CTXND1: variants seen among roughly 807,000 people sequenced by gnomAD.
CTXND1 encodes cortexin domain-containing 1 protein.
intron 1 of CTXND1, among the ~76,000 whole-genome samples, chr15:80,248,680 C>T (rs887822742): frequency 2.0e-5 from 3 of 152,144 alleles, no homozygotes; most frequent in Non-Finnish European, 4.4e-5. Context: ...CAGGGAGCTC[C>T]GTCTGAGTCA....
chr15:80,204,199 T>TATATACAC (rs1267164168), intron 1 of CTXND1, among the ~76,000 whole-genome samples: 1 of 26,802 alleles, frequency 3.7e-5, no homozygotes, highest in African/African-American at 1.4e-4. Context: ...TATATATATA[T>TATATACAC]ACACAAACAC....
At chr15:80,223,916 C>T (rs756030409) in intron 1 of CTXND1, among the ~76,000 whole-genome samples, 4 of 152,018 alleles carry the variant, frequency 2.6e-5, no homozygotes, top group Non-Finnish European at 4.4e-5. Flanking sequence ...TGAGTCCATG[C>T]GTCCCCCCAT....
At chr15:80,212,818 A>C (rs1227667333) in intron 1 of CTXND1, among the ~76,000 whole-genome samples, 1 of 152,202 alleles carries the variant, frequency 6.6e-6, no homozygotes, top group Non-Finnish European at 1.5e-5. Context: ...CCAAAATTCT[A>C]CAGGCAGAAA....
intron 1 of CTXND1, among the ~76,000 whole-genome samples, chr15:80,230,401 C>T (rs145691775): frequency 3.3e-5 from 5 of 152,282 alleles, no homozygotes; most frequent in Non-Finnish European, 5.9e-5. Flanking sequence ...TGAGCCACAA[C>T]GCCTGGCCAG....
chr15:80,204,647 G>GTATATATATATATATATA lies in CTXND1; in HGVS notation c.-217-925_-217-908dup, dbSNP rs35359063. On this transcript the variant is annotated intron_variant, in intron 1 of 2. Transcript: ENST00000560778. Reference sequence around the variant, plus strand: ...TTTAAGGTCCGAATAATATTCCATTGTATATATATATATATATATATATAT... The same window carrying GTATATATATATATATATA: ...TTTAAGGTCCGAATAATATTCCATTGTATATATATATATATATATATATATATATATATATATATATAT... Among the ~76,000 whole-genome samples the GTATATATATATATATATA allele has an allele frequency of 4.1e-3, 536 of 131,208 alleles. 7 individuals carry two copies. The highest frequency in any genetic ancestry group is 8.7e-3 in the African/African-American group (297 of 34,266). The allele number at this position is 131,208 out of a possible 152,430, so 86.1% of individuals were successfully genotyped here.
chr15:80,247,536 C>T (rs989471100), intron 1 of CTXND1, among the ~76,000 whole-genome samples: 1 of 151,978 alleles, frequency 6.6e-6, no homozygotes, highest in African/African-American at 2.4e-5. Flanking sequence ...GGAATTTAGT[C>T]ATAGGTCGAG....
chr15:80,241,912 T>C (rs930734295), intron 1 of CTXND1, among the ~76,000 whole-genome samples: 5 of 152,172 alleles, frequency 3.3e-5, no homozygotes, highest in Admixed American at 6.5e-5. Context: ...ATAAGCCCTT[T>C]CCCCTGCCTG....
chr15:80,221,359 T>C (rs1893316617), intron 1 of CTXND1, among the ~76,000 whole-genome samples: 1 of 152,230 alleles, frequency 6.6e-6, no homozygotes. Context: ...ATAGTAGGGA[T>C]GATAAAGGGC....
intron 1 of CTXND1, among the ~76,000 whole-genome samples, chr15:80,221,949 T>C (rs1341873643): frequency 3.3e-5 from 5 of 152,206 alleles, no homozygotes. Flanking sequence ...CTAGTTTCAT[T>C]GCACCGTGGT....
chr15:80,236,921 A>C (rs981168892), intron 1 of CTXND1, among the ~76,000 whole-genome samples: 15 of 152,232 alleles, frequency 9.9e-5, no homozygotes, highest in African/African-American at 3.6e-4. Flanking sequence ...CCCACAGCAC[A>C]GTCAGTTATA....
intron 2 of CTXND1, among the ~76,000 whole-genome samples, chr15:80,202,485 C>A (rs1484829574): frequency 6.6e-6 from 1 of 152,232 alleles, no homozygotes; most frequent in African/African-American, 2.4e-5. Flanking sequence ...GGGTCTCACT[C>A]TGTTGCTCAG....
At chr15:80,218,393 C>G (rs1358716095) in intron 1 of CTXND1, among the ~76,000 whole-genome samples, 3 of 152,170 alleles carry the variant, frequency 2.0e-5, no homozygotes, top group African/African-American at 4.8e-5. Flanking sequence ...TCCCACCTGG[C>G]CTCCTAAAGT....
intron 1 of CTXND1, among the ~76,000 whole-genome samples, chr15:80,205,074 T>G (rs1893134385): frequency 6.6e-6 from 1 of 152,244 alleles, no homozygotes; most frequent in African/African-American, 2.4e-5. Context: ...TGTATGTTTA[T>G]GTATTTGTTT....
intron 1 of CTXND1, among the ~76,000 whole-genome samples, chr15:80,207,684 G>A (rs1459630797): frequency 2.0e-5 from 3 of 152,186 alleles, no homozygotes; most frequent in African/African-American, 2.4e-5. Flanking sequence ...TCTGCAGAGA[G>A]GATTCACCAT....
intron 1 of CTXND1, among the ~76,000 whole-genome samples, chr15:80,225,428 C>CT (rs199614927): frequency 0.017 from 2,543 of 150,464 alleles, 65 homozygotes; most frequent in African/African-American, 0.057. Flanking sequence ...AATTTTTCCC[C>CT]TTTTTTCCCC....
intron 1 of CTXND1, among the ~76,000 whole-genome samples, chr15:80,226,364 T>G (rs1595907492): frequency 6.6e-6 from 1 of 152,060 alleles, no homozygotes; most frequent in African/African-American, 2.4e-5. Context: ...AATAAGGAAG[T>G]AATTCCAATG....
chr15:80,206,086 G>T (rs536850057), intron 1 of CTXND1, among the ~76,000 whole-genome samples: 1 of 152,006 alleles, frequency 6.6e-6, no homozygotes, highest in African/African-American at 2.4e-5. Flanking sequence ...AGTTGTTAAC[G>T]TTTTGCTGCA....
chr15:80,222,653 G>C (rs1431252744), intron 1 of CTXND1, among the ~76,000 whole-genome samples: 3 of 152,074 alleles, frequency 2.0e-5, no homozygotes, highest in African/African-American at 7.2e-5. Flanking sequence ...GAACGTTTTT[G>C]AAATGGGTAT....
intron 1 of CTXND1, among the ~76,000 whole-genome samples, chr15:80,213,926 C>G (rs1023343650): frequency 6.6e-6 from 1 of 151,488 alleles, no homozygotes; most frequent in African/African-American, 2.4e-5. Context: ...GAAGAGTTAC[C>G]TCTACCACTA....
Sources: gnomAD v4.1 joint callset for allele counts (sites outside exome capture counted in the v4.1 genomes callset) on GRCh38, gnomAD v4.1.1 for gene constraint, MANE v1.5 for transcripts, NCBI Gene and HGNC (gene_info 2026-07-23, HGNC 2026-07-21) for gene names.